The following HSPA4L variants were observed in gnomAD, a reference collection of about 807,000 sequenced individuals.
The protein encoded by HSPA4L is heat shock 70 kDa protein 4L.
HSPA4L carries 48 observed loss-of-function variants against 100.3 expected under a neutral mutation model. The ratio of observed to expected loss-of-function variants is 0.48; its 90% CI spans 0.38 to 0.61. The LOEUF (loss-of-function observed/expected upper bound fraction) is 0.61, where lower values mean the gene tolerates loss of function less well. Among genes scored for constraint, HSPA4L ranks in the 20% least tolerant of loss-of-function variants. The pLI is 0.00. For missense variants in HSPA4L, 886 were observed against 988.6 expected (o/e 0.90, Z 1.39); for synonymous variants, 319 against 328.2 (o/e 0.97, Z 0.30).
chr4:127,814,550 T>A (rs561578934), intron 12 of HSPA4L, among the ~76,000 whole-genome samples: 1 of 152,278 alleles, frequency 6.6e-6, no homozygotes, highest in East Asian at 1.9e-4. Context: ...ATACACTGTG[T>A]TGAAAATATT....
At chr4:127,812,954 T>C (rs1395887354) in intron 12 of HSPA4L, 2 of 814,576 alleles carry the variant, frequency 2.5e-6, no homozygotes, top group Non-Finnish European at 4.2e-6. Context: ...GCAAGAATCT[T>C]GCCCTTAACT....
intron 1 of HSPA4L, among the ~76,000 whole-genome samples, chr4:127,788,870 GC>G (rs1457669736): frequency 6.6e-6 from 1 of 152,214 alleles, no homozygotes; most frequent in Non-Finnish European, 1.5e-5. Context: ...ATCTTGGCAA[GC>G]ATAGTTGAAA....
At position 127,798,713 on chromosome 4, in the gene HSPA4L, A is replaced by C; in HGVS notation, c.429+4A>C. ...AGTGGCTGACTGTGTGATTTCAGTA[A>C]GTTTTACTTCAGTAATGAATACCCT... On this transcript the variant is annotated splice_donor_region_variant and intron_variant, in intron 4 of 18. Coordinates refer to ENST00000296464, the MANE Select transcript of HSPA4L (RefSeq NM_014278.4). 6.2e-7 allele frequency: 1 copy of C among 1,613,210 alleles called. No homozygotes were observed. The highest frequency in any genetic ancestry group is 8.5e-7 in the Non-Finnish European group (1 of 1,179,388).
intron 10 of HSPA4L, among the ~76,000 whole-genome samples, chr4:127,806,086 A>T (rs1314420730): frequency 2.0e-5 from 3 of 151,960 alleles, no homozygotes; most frequent in Non-Finnish European, 4.4e-5. Context: ...TTACAGACAT[A>T]AACATTTTTA....
At chr4:127,796,078 A>G (rs1733014291) in intron 3 of HSPA4L, among the ~76,000 whole-genome samples, 170 bp downstream of exon 3, 1 of 152,162 alleles carries the variant, frequency 6.6e-6, no homozygotes, top group African/African-American at 2.4e-5. Flanking sequence ...TCTAATTTAG[A>G]TAATTTTTTC....
At chr4:127,805,904 T>C (rs1375400469) in intron 10 of HSPA4L, 111 bp downstream of exon 10, 1 of 604,050 alleles carries the variant, frequency 1.7e-6, no homozygotes, top group Non-Finnish European at 2.9e-6. Context: ...CCAAATACTT[T>C]AAAATAATGT....
At chr4:127,784,470 T>C (rs975096755) in intron 1 of HSPA4L, among the ~76,000 whole-genome samples, 5 of 152,222 alleles carry the variant, frequency 3.3e-5, no homozygotes, top group African/African-American at 1.2e-4. Flanking sequence ...TCTGTGTGGT[T>C]GAGAAGTAAT....
intron 15 of HSPA4L, 82 bp downstream of exon 15, chr4:127,822,976 T>G: frequency 7.4e-7 from 1 of 1,354,576 alleles, no homozygotes; most frequent in Non-Finnish European, 1.0e-6. Flanking sequence ...CATAAATAAA[T>G]GTACCAAATG....
chr4:127,798,509 C>T, intron 3 of HSPA4L, 78 bp from the exon 4 acceptor site: 2 of 1,386,964 alleles, frequency 1.4e-6, no homozygotes, highest in Non-Finnish European at 2.0e-6. Flanking sequence ...ATGTCTATCA[C>T]ATATACAGTA....
In HSPA4L at chr4:127,788,659, T is replaced by C. The variant is rs562616898; in HGVS notation, c.108-5418T>C. Among the ~76,000 whole-genome samples the C allele has an allele frequency of 1.7e-3, 254 of 152,302 alleles. 2 individuals carry two copies. Among genetic ancestry groups the C allele is most frequent in the Middle Eastern group, 6.8e-3 (2 of 294 alleles). ...GGAGGTGATTTTGCCTCTGAAGGGA[T>C]AACTGACAGAATCTGAGATATTTTG... On this transcript the variant is annotated intron_variant, in intron 1 of 18. Coordinates refer to ENST00000296464, the MANE Select transcript of HSPA4L (RefSeq NM_014278.4).
At chr4:127,788,924 TAGC>T (rs1732794152) in intron 1 of HSPA4L, among the ~76,000 whole-genome samples, 2 of 152,188 alleles carry the variant, frequency 1.3e-5, no homozygotes, top group Admixed American at 1.3e-4. Context: ...ATTACAATGA[TAGC>T]AGAGGGTAAA....
chr4:127,783,447 G>C, intron 1 of HSPA4L: 1 of 1,362,330 alleles, frequency 7.3e-7, no homozygotes, highest in South Asian at 1.7e-5. Context: ...AAACATGACT[G>C]TGGAGTGATT....
intron 16 of HSPA4L, among the ~76,000 whole-genome samples, chr4:127,826,161 C>CT (rs1733944881): frequency 6.6e-6 from 1 of 152,068 alleles, no homozygotes; most frequent in Non-Finnish European, 1.5e-5. Flanking sequence ...AATGTTGGCA[C>CT]TTTGAGTGGC....
At chr4:127,815,605 C>A (rs1449791997) in intron 12 of HSPA4L, among the ~76,000 whole-genome samples, 1 of 151,846 alleles carries the variant, frequency 6.6e-6, no homozygotes, top group African/African-American at 2.4e-5. Flanking sequence ...AATTGTTGAC[C>A]ATTTGGGTTC....
intron 1 of HSPA4L, among the ~76,000 whole-genome samples, chr4:127,784,080 G>GT (rs1409272352): frequency 5.3e-5 from 8 of 152,186 alleles, no homozygotes; most frequent in Non-Finnish European, 1.2e-4. Context: ...CGATGAATTC[G>GT]TCTCTACAAG....
intron 12 of HSPA4L, among the ~76,000 whole-genome samples, chr4:127,817,978 G>A (rs373935421): frequency 1.7e-3 from 254 of 152,120 alleles, no homozygotes; most frequent in Middle Eastern, 3.4e-3. Flanking sequence ...GGTATTTCTC[G>A]TAATGCTATC....
intron 14 of HSPA4L, among the ~76,000 whole-genome samples, chr4:127,822,202 TTC>T (rs1467993717): frequency 1.3e-5 from 2 of 152,164 alleles, no homozygotes; most frequent in African/African-American, 4.8e-5. Flanking sequence ...GTTCCCTACT[TTC>T]TGTCTTTGCG....
At chr4:127,825,245 G>C (rs1222932059) in intron 16 of HSPA4L, among the ~76,000 whole-genome samples, 1 of 152,056 alleles carries the variant, frequency 6.6e-6, no homozygotes, top group African/African-American at 2.4e-5. Context: ...AATTACCTGG[G>C]TGCTTATTGA....
chr4:127,821,133 T>G (rs1733799681), intron 14 of HSPA4L, among the ~76,000 whole-genome samples: 1 of 152,168 alleles, frequency 6.6e-6, no homozygotes, highest in African/African-American at 2.4e-5. Flanking sequence ...CAAGCTCAGC[T>G]GGCATTAAAA....
Sources: allele counts gnomAD v4.1 joint callset (sites outside exome capture counted in the v4.1 genomes callset), GRCh38; gene constraint gnomAD v4.1.1; transcripts MANE v1.5; gene names NCBI Gene and HGNC (gene_info 2026-07-23, HGNC 2026-07-21).